ILKAP: variants seen among roughly 807,000 people sequenced by gnomAD.
The protein encoded by ILKAP is ILK associated serine/threonine phosphatase, also known as integrin-linked kinase-associated serine/threonine phosphatase 2C.
In ILKAP, 11 loss-of-function variants were observed where a neutral mutation model predicts 49.1. The observed-to-expected ratio is 0.22, with a 90% CI of 0.14 to 0.37. The LOEUF (loss-of-function observed/expected upper bound fraction) is 0.37, where lower values mean the gene tolerates loss of function less well. ILKAP is among the 10% of genes least tolerant of loss of function. ILKAP has a pLI of 1.00. For missense variants in ILKAP, 363 were observed against 510.8 expected (o/e 0.71, Z 2.79); for synonymous variants, 186 against 192.8 (o/e 0.96, Z 0.29).
At chr2:238,180,891 G>A (rs1000195197) in intron 9 of ILKAP, among the ~76,000 whole-genome samples, 1 of 152,236 alleles carries the variant, frequency 6.6e-6, no homozygotes, top group African/African-American at 2.4e-5. Context: ...GGGGAGAAGA[G>A]GTGATGCTTA....
At chr2:238,196,386 TG>T (rs1341596187) in intron 1 of ILKAP, among the ~76,000 whole-genome samples, 1 of 151,840 alleles carries the variant, frequency 6.6e-6, no homozygotes, top group Admixed American at 6.6e-5. Context: ...CCACCATGTC[TG>T]GTCTAATTTT....
rs141493986 is a variant in ILKAP at position 238,187,294 on chromosome 2, T to C, written c.425+837A>G. ...GTCCCCTCTACATATGATCAGCTGC[T>C]CTGCAGCAGCCATCACCTCATCTCC... On this transcript the variant is annotated intron_variant, in intron 5 of 11. Transcript: ENST00000254654. 2.0e-3 allele frequency among the ~76,000 whole-genome samples: 308 copies of C among 152,278 alleles called. 3 individuals are homozygous for C. The highest frequency in any genetic ancestry group is 7.0e-3 in the African/African-American group (290 of 41,576).
intron 2 of ILKAP, 36 bp downstream of exon 2, chr2:238,194,769 C>G: frequency 6.3e-7 from 1 of 1,598,502 alleles, no homozygotes; most frequent in Non-Finnish European, 8.6e-7. Flanking sequence ...TGAGTAGAGA[C>G]GTTGACACAC....
chr2:238,198,796 T>C (rs1268953892), intron 1 of ILKAP, among the ~76,000 whole-genome samples: 4 of 152,184 alleles, frequency 2.6e-5, no homozygotes, highest in Non-Finnish European at 4.4e-5. Context: ...AAAAATACCC[T>C]TGGGTTGATC....
At chr2:238,201,915 G>C (rs901945587) in intron 1 of ILKAP, among the ~76,000 whole-genome samples, 2 of 152,174 alleles carry the variant, frequency 1.3e-5, no homozygotes, top group Admixed American at 6.5e-5. Context: ...TTACTGAGAT[G>C]CTCTGTACCA....
At chr2:238,171,475 T>G (rs1433440672) in intron 10 of ILKAP, among the ~76,000 whole-genome samples, 2 of 152,200 alleles carry the variant, frequency 1.3e-5, no homozygotes, top group African/African-American at 4.8e-5. Context: ...TAAGATTTGT[T>G]TAAACCCACT....
chr2:238,194,189 C>T (rs920941998), intron 3 of ILKAP, 86 bp downstream of exon 3: 7 of 1,177,060 alleles, frequency 5.9e-6, no homozygotes, highest in East Asian at 2.4e-5. Context: ...TCCAAAATCC[C>T]GTTAAAACCT....
At chr2:238,197,270 G>C (rs147366564) in intron 1 of ILKAP, among the ~76,000 whole-genome samples, 2 of 152,142 alleles carry the variant, frequency 1.3e-5, no homozygotes, top group African/African-American at 2.4e-5. Context: ...CTAATATCCC[G>C]AAGTAGGTCA....
chr2:238,190,068 G>A (rs1171277014), intron 3 of ILKAP, 96 bp from the exon 4 acceptor site: 3 of 1,326,400 alleles, frequency 2.3e-6, no homozygotes, highest in African/African-American at 3.0e-5. Flanking sequence ...CAAAGACAAG[G>A]TCATTTGAAG....
Position 238,189,240 on chromosome 2 carries a change from G to A in ILKAP, c.298+613C>T, listed in dbSNP as rs954951935. Among the ~76,000 whole-genome samples, 16 of 152,122 alleles carry A rather than the reference G, an allele frequency of 1.1e-4. No homozygotes were observed. The Middle Eastern group carries it at 0.014, about 129-fold the overall frequency. ...GGCTGAGGTAGAATGGTATGAACCC[G>A]GGAGGCGGAGCTTGCAGTGAGCCGA... On this transcript the variant is annotated intron_variant, in intron 4 of 11. Transcript: ENST00000254654.
At position 238,170,638 on chromosome 2, in the gene ILKAP, G is replaced by A. The variant is rs528876318; in HGVS notation, c.1077C>T (p.Ala359=). 3.1e-5 allele frequency: 49 copies of A among 1,600,836 alleles called. No individual in the cohort carries two copies. The Middle Eastern group carries it at 1.0e-3, about 33-fold the overall frequency. The change falls in exon 12 of 12, where the codon GCC becomes GCT. Residue 359 remains alanine (A), a synonymous_variant. Coordinates refer to ENST00000254654, the MANE Select transcript of ILKAP (RefSeq NM_030768.3). ...KIQTREGKSA[A]DARYEAACNR... is the part of the protein sequence containing the mutation. ...TGCAGGCTGCTTCGTAGCGGGCGTC[G>A]GCTGCGGACTTCCCTTCCCGGGTCT... is the stretch of plus-strand genomic sequence containing the variant.
intron 3 of ILKAP, among the ~76,000 whole-genome samples, chr2:238,191,948 C>T (rs1472133041): frequency 6.6e-6 from 1 of 151,138 alleles, no homozygotes; most frequent in Non-Finnish European, 1.5e-5. Context: ...CGCAGCGGCT[C>T]ATGCCTGTAA....
intron 9 of ILKAP, among the ~76,000 whole-genome samples, chr2:238,179,454 T>A (rs958450300): frequency 6.6e-6 from 1 of 152,174 alleles, no homozygotes; most frequent in African/African-American, 2.4e-5. Flanking sequence ...CTAATACATG[T>A]GAAAAGAATC....
chr2:238,194,562 T>C (rs141607276), intron 2 of ILKAP: 26 of 604,064 alleles, frequency 4.3e-5, no homozygotes, highest in African/African-American at 4.3e-4. Flanking sequence ...CTTCAGGTAG[T>C]AAAATAAATA....
intron 5 of ILKAP, chr2:238,185,732 A>G (rs1693878883): frequency 6.4e-6 from 1 of 155,590 alleles, no homozygotes; most frequent in Non-Finnish European, 1.4e-5. Context: ...TGAACCCAGG[A>G]GGCGGAGCTT....
At chr2:238,201,288 C>T (rs1361489595) in intron 1 of ILKAP, among the ~76,000 whole-genome samples, 1 of 152,156 alleles carries the variant, frequency 6.6e-6, no homozygotes, top group East Asian at 1.9e-4. Flanking sequence ...TTGTAGCTAA[C>T]AGCCTGCAAT....
At position 238,196,946 on chromosome 2, in the gene ILKAP, T is replaced by C. The variant is rs557509100; in HGVS notation, c.56-2076A>G. ...GGCCAGGTGTGGTGGCTCACACCTATAATCCCAGCACTTTGGGAGGTCAAG... is the reference window on the plus strand; with the variant it reads ...GGCCAGGTGTGGTGGCTCACACCTACAATCCCAGCACTTTGGGAGGTCAAG... On this transcript the variant is annotated intron_variant, in intron 1 of 11. Coordinates refer to ENST00000254654, the MANE Select transcript of ILKAP (RefSeq NM_030768.3). 1.2e-4 allele frequency among the ~76,000 whole-genome samples: 19 copies of C among 152,324 alleles called. No individual in the cohort carries two copies. In the South Asian group the frequency reaches 3.7e-3, roughly 30 times the overall value.
chr2:238,185,141 A>G (rs764599545), intron 6 of ILKAP, 40 bp downstream of exon 6: 1 of 1,302,598 alleles, frequency 7.7e-7, no homozygotes, highest in South Asian at 1.2e-5. Flanking sequence ...AAACAGCAAT[A>G]ACCAATTTGA....
chr2:238,181,752 A>G (rs1693702012), intron 9 of ILKAP, among the ~76,000 whole-genome samples: 1 of 151,994 alleles, frequency 6.6e-6, no homozygotes, highest in African/African-American at 2.4e-5. Context: ...CCTCCCGAGT[A>G]GCTGGGACTA....
Sources: gnomAD v4.1 joint callset for allele counts (sites outside exome capture counted in the v4.1 genomes callset) on GRCh38, gnomAD v4.1.1 for gene constraint, MANE v1.5 for transcripts, NCBI Gene and HGNC (gene_info 2026-07-23, HGNC 2026-07-21) for gene names.